The following ABCF3 variants were observed in gnomAD, a reference collection of about 807,000 sequenced individuals.
The protein encoded by ABCF3 is ATP-binding cassette sub-family F member 3.
A neutral mutation model predicts 94.3 loss-of-function variants in ABCF3; 62 were observed. The observed-to-expected ratio is 0.66, with a 90% CI of 0.54 to 0.81. ABCF3 has a LOEUF of 0.81. Ranked by LOEUF, ABCF3 falls within the 40% of genes least tolerant of loss-of-function variation. ABCF3 has a pLI of 0.00. For synonymous variants in ABCF3, 355 were observed against 361.1 expected, an observed-to-expected ratio of 0.98 and a Z score of 0.19; for missense variants, 843 against 925.3, an observed-to-expected ratio of 0.91 and a Z score of 1.15.
intron 14 of ABCF3, 147 bp downstream of exon 14, chr3:184,190,078 C>T (rs913626536): frequency 9.8e-6 from 8 of 815,022 alleles, no homozygotes; most frequent in Non-Finnish European, 1.6e-5. Context: ...GCAGAGTATT[C>T]CACACTGTTC....
At chr3:184,187,594 A>G in intron 4 of ABCF3, 70 bp from the exon 5 acceptor site, 1 of 1,581,766 alleles carries the variant, frequency 6.3e-7, no homozygotes, top group South Asian at 1.1e-5. Context: ...GGTTTACTCG[A>G]GATGTTCTCT....
Position 184,189,690 on chromosome 3 carries a change from A to C in ABCF3, c.1247A>C (p.Lys416Thr), listed in dbSNP as rs776507091. The change falls in exon 13 of 21, where the codon AAG (lysine) becomes ACG (threonine). Residue 416 changes from lysine to threonine, a missense_variant. Coordinates refer to ENST00000429586, the MANE Select transcript of ABCF3 (RefSeq NM_018358.3). Reference protein sequence around the residue: ...RGDFETFIKSKQERLLNQQRE... With the variant: ...RGDFETFIKSTQERLLNQQRE... ...GACTTTGAGACCTTCATCAAGAGTA[A>C]GCAGGAGCGGCTGCTCAACCAGCAG... 6.2e-7 allele frequency: 1 copy of C among 1,614,150 alleles called. No homozygotes were observed. The highest frequency in any genetic ancestry group is 1.7e-5 in the Admixed American group (1 of 60,032).
chr3:184,187,605 C>G, intron 4 of ABCF3, 59 bp from the exon 5 acceptor site: 4 of 1,595,836 alleles, frequency 2.5e-6, no homozygotes, highest in South Asian at 1.1e-5. Flanking sequence ...GATGTTCTCT[C>G]TTGGGGTTCC....
At position 184,188,544 on chromosome 3, in the gene ABCF3, G is replaced by A. The variant is rs1325392672; in HGVS notation, c.836+137G>A. ...GAACTTGGCACTCTGGGACTCAGAA[G>A]CCCTTGTTCTTTCCACAGTGCCCAT... is the stretch of plus-strand genomic sequence containing the variant. On this transcript the variant is annotated intron_variant, in intron 7 of 20. Transcript: ENST00000429586. The A allele has an allele frequency of 2.4e-6, 3 of 1,235,990 alleles. No homozygotes were observed. In the African/African-American group the frequency reaches 4.6e-5, roughly 19 times the overall value. The allele number at this position is 1,235,990 out of a possible 1,614,324, so 76.6% of individuals were successfully genotyped here.
chr3:184,191,323 C>T, intron 16 of ABCF3, 68 bp downstream of exon 16: 1 of 1,603,732 alleles, frequency 6.2e-7, no homozygotes, highest in South Asian at 1.1e-5. Flanking sequence ...GTGGATTGGC[C>T]CAGATCCTCA....
chr3:184,193,962 G>A lies in ABCF3; in HGVS notation c.*264G>A. On this transcript the variant is annotated 3_prime_UTR_variant, in exon 21 of 21. Coordinates refer to ENST00000429586, the MANE Select transcript of ABCF3 (RefSeq NM_018358.3). This position sits in a 1 kb window ranked among gnomAD's most constrained non-coding sequence, Gnocchi z 5.2. ...TTCCCCCACTGCCCCAGCTCTGACT[G>A]GACCCCAAGTGGCTGCTATGTAAAT... 1 of 441,126 alleles carries A rather than the reference G, an allele frequency of 2.3e-6. No individual in the cohort carries two copies. The highest frequency in any genetic ancestry group is 3.8e-5 in the East Asian group (1 of 26,378). The allele number at this position is 441,126 out of a possible 1,614,324, so 27.3% of individuals were successfully genotyped here. A position where few individuals can be genotyped will look rare whatever the true frequency, so the allele number is the denominator to read the frequency against.
In ABCF3 at chr3:184,188,785, G is replaced by A. The variant is rs1321089982; in HGVS notation, c.861G>A (p.Glu287=). The change falls in exon 8 of 21, where the codon GAG becomes GAA. Residue 287 remains glutamate (E), a synonymous_variant. Transcript: ENST00000429586. The stretch of plus-strand genomic sequence containing the variant: ...GGGCGGAGGGCTCTGAAGCTGCAGA[G>A]CTGGCAGAAATCTATGCCAAACTGG... ...AGRAEGSEAA[E]LAEIYAKLEE... The A allele has an allele frequency of 6.2e-7, 1 of 1,613,832 alleles. No individual in the cohort carries two copies.
rs1228034194 is a variant in ABCF3, at chr3:184,193,787, T to G, written c.*89T>G. On this transcript the variant is annotated 3_prime_UTR_variant, in exon 21 of 21. Coordinates refer to ENST00000429586, the MANE Select transcript of ABCF3 (RefSeq NM_018358.3). This position sits in a 1 kb window ranked among gnomAD's most constrained non-coding sequence, Gnocchi z 5.2. ...TAGGCCACCACTCCAGGCCGTGGAC[T>G]TCCCCCAACTTGGGGACAGCCTTAT... is the stretch of plus-strand genomic sequence containing the variant. 7.1e-7 allele frequency: 1 copy of G among 1,404,264 alleles called. No homozygotes were observed. The highest frequency in any genetic ancestry group is 9.5e-7 in the Non-Finnish European group (1 of 1,053,188). 87.0% of individuals were successfully genotyped at this position (1,404,264 alleles called of 1,614,324 possible).
chr3:184,193,106 G>T lies in ABCF3; in HGVS notation c.1755G>T (p.Arg585=). ...VELLARKFPG[R]PEEEYRHQLG... is the part of the protein sequence containing the mutation. ...ATCTGGGGAGTCCTTTTCCAGGGCG[G>T]CCTGAGGAGGAGTACCGTCACCAGC... The change falls in exon 19 of 21, where the codon CGG becomes CGT. Residue 585 remains arginine (R), a synonymous_variant. Coordinates refer to ENST00000429586, the MANE Select transcript of ABCF3 (RefSeq NM_018358.3). This position sits in a 1 kb window ranked among gnomAD's most constrained non-coding sequence, Gnocchi z 5.2. The T allele has an allele frequency of 1.3e-6, 2 of 1,537,024 alleles. No individual in the cohort carries two copies. Among genetic ancestry groups the T allele is most frequent in the Non-Finnish European group, 1.7e-6 (2 of 1,143,414 alleles).
At chr3:184,186,399 G>A in intron 1 of ABCF3, 108 bp from the exon 2 acceptor site, 1 of 1,581,708 alleles carries the variant, frequency 6.3e-7, no homozygotes, top group Non-Finnish European at 8.6e-7. Flanking sequence ...TCTTGTCCCG[G>A]GGGCTGGTTG....
At chr3:184,192,186 G>A (rs1460825883) in intron 16 of ABCF3, among the ~76,000 whole-genome samples, 2 of 152,152 alleles carry the variant, frequency 1.3e-5, no homozygotes, top group South Asian at 2.1e-4. Flanking sequence ...CATATTTATG[G>A]GGTACAGAGT....
chr3:184,187,081 T>A (rs2109039058), intron 3 of ABCF3: 1 of 635,690 alleles, frequency 1.6e-6, no homozygotes, highest in Non-Finnish European at 2.7e-6. Context: ...TTGGGTAGGA[T>A]AGGAAGCATA....
rs552002091 is a variant in ABCF3, at chr3:184,191,348, G to A, written c.1569+93G>A. ...CCAGATCCTCAGGCTGTAAAGGGACGAGGTCTGTGGAACAGGAGTGAGGGC... is the reference window on the plus strand; with the variant it reads ...CCAGATCCTCAGGCTGTAAAGGGACAAGGTCTGTGGAACAGGAGTGAGGGC... On this transcript the variant is annotated intron_variant, in intron 16 of 20. Coordinates refer to ENST00000429586, the MANE Select transcript of ABCF3 (RefSeq NM_018358.3). 4.9e-5 allele frequency: 78 copies of A among 1,579,874 alleles called. No individual in the cohort carries two copies. In the African/African-American group the frequency reaches 8.0e-4, roughly 16 times the overall value.
chr3:184,189,800 C>T (rs1480389613), intron 13 of ABCF3, 43 bp downstream of exon 13: 6 of 1,614,066 alleles, frequency 3.7e-6, no homozygotes, highest in Non-Finnish European at 5.1e-6. Context: ...CCAGGGGTTC[C>T]AGAGTGGGGG....
chr3:184,186,912 G>C, intron 3 of ABCF3, 37 bp downstream of exon 3: 1 of 1,594,280 alleles, frequency 6.3e-7, no homozygotes, highest in Non-Finnish European at 8.6e-7. Flanking sequence ...CTGCCCCCCT[G>C]TGCTTTTCTC....
chr3:184,191,021 A>G lies in ABCF3; in HGVS notation c.1414A>G (p.Lys472Glu), dbSNP rs768071356. ...EKLPELKPVD[K>E]ESEVVMKFPD... is the part of the protein sequence containing the mutation. ...CAGGCCTGAGCTGAAGCCTGTGGACAAGGAATCAGAGGTCGTAATGAAGTA... is the reference window on the plus strand; with the variant it reads ...CAGGCCTGAGCTGAAGCCTGTGGACGAGGAATCAGAGGTCGTAATGAAGTA... Residue 472 changes from lysine to glutamate, a missense_variant, in exon 15 of 21, where the codon AAG becomes GAG. By Grantham distance (56) the Lys-to-Glu change is moderately conservative. Coordinates refer to ENST00000429586, the MANE Select transcript of ABCF3 (RefSeq NM_018358.3). 4 of 1,614,050 alleles carry G rather than the reference A, an allele frequency of 2.5e-6. No individual in the cohort carries two copies. The highest frequency in any genetic ancestry group is 3.4e-6 in the Non-Finnish European group (4 of 1,180,040).
Position 184,187,512 on chromosome 3 carries a change from A to G in ABCF3, c.348+69A>G. On this transcript the variant is annotated intron_variant, in intron 4 of 20. Transcript: ENST00000429586. ...TGGGAGTTGACTGTCTAATTGGAGT[A>G]TCTTTTGGGGGGATTTCTGACTATG... is the stretch of plus-strand genomic sequence containing the variant. 5 of 1,560,832 alleles carry G rather than the reference A, an allele frequency of 3.2e-6. No homozygotes were observed. The African/African-American group carries it at 4.1e-5, about 13-fold the overall frequency.
chr3:184,191,188 A>C lies in ABCF3; in HGVS notation c.1502A>C (p.Tyr501Ser). Residue 501 changes from tyrosine (Y) to serine (S), a missense_variant, in exon 16 of 21, where the codon TAC becomes TCC. Transcript: ENST00000429586. ...ILQLDEVDFYYDPKHVIFSRL... is the reference protein window; with the variant it reads ...ILQLDEVDFYSDPKHVIFSRL... The stretch of plus-strand genomic sequence containing the variant: ...CAGCTAGATGAGGTGGATTTCTACT[A>C]CGATCCGAAGCACGTCATCTTCAGT... 6.2e-7 allele frequency: 1 copy of C among 1,614,130 alleles called. No homozygotes were observed. The highest frequency in any genetic ancestry group is 8.5e-7 in the Non-Finnish European group (1 of 1,180,030).
Position 184,193,950 on chromosome 3 carries a change from C to G in ABCF3, c.*252C>G, listed in dbSNP as rs943196094. On this transcript the variant is annotated 3_prime_UTR_variant, in exon 21 of 21. Transcript: ENST00000429586. The surrounding 1 kb of genome is among the most constrained non-coding windows in gnomAD (Gnocchi z 5.2). ...TGGGGTTATAGATTCCCCCACTGCC[C>G]CAGCTCTGACTGGACCCCAAGTGGC... 2.1e-6 allele frequency: 1 copy of G among 475,090 alleles called. No individual in the cohort carries two copies. Among genetic ancestry groups the G allele is most frequent in the African/African-American group, 2.0e-5 (1 of 51,184 alleles). The allele number at this position is 475,090 out of a possible 1,614,324, so 29.4% of individuals were successfully genotyped here. A position where few individuals can be genotyped will look rare whatever the true frequency, so the allele number is the denominator to read the frequency against.
Sources: gnomAD v4.1 joint callset for allele counts (sites outside exome capture counted in the v4.1 genomes callset) on GRCh38, gnomAD v4.1.1 for gene constraint, Gnocchi (gnomAD v3.1) non-coding constraint, MANE v1.5 for transcripts, NCBI Gene and HGNC (gene_info 2026-07-23, HGNC 2026-07-21) for gene names.